Variants in POU6F1 observed in about 807,000 individuals in gnomAD.
POU6F1 encodes POU class 6 homeobox 1.
A neutral mutation model predicts 28.9 loss-of-function variants in POU6F1; 9 were observed. That is an observed-to-expected ratio of 0.31 (90% confidence interval 0.19 to 0.54). The LOEUF (loss-of-function observed/expected upper bound fraction) is 0.54, where lower values mean the gene tolerates loss of function less well. Among genes scored for constraint, POU6F1 ranks in the 20% least tolerant of loss-of-function variants. The pLI is 0.94. For synonymous variants in POU6F1, 173 were observed against 171.1 expected, an observed-to-expected ratio of 1.01 and a Z score of -0.09; for missense variants, 338 against 426.1, an observed-to-expected ratio of 0.79 and a Z score of 1.82.
intron 7 of POU6F1, 58 bp downstream of exon 7, chr12:51,196,741 A>G: frequency 6.3e-7 from 1 of 1,597,448 alleles, no homozygotes; most frequent in Non-Finnish European, 8.6e-7. Flanking sequence ...CCTGGCCGCC[A>G]TCCCCTGGCC....
At chr12:51,192,585 G>A in intron 8 of POU6F1, 114 bp from the exon 9 acceptor site, 1 of 1,347,854 alleles carries the variant, frequency 7.4e-7, no homozygotes. Flanking sequence ...CACGCATGCA[G>A]GACATTCCCG....
Position 51,190,368 on chromosome 12 carries a change from T to C in POU6F1, c.1715A>G (p.Gln572Arg). The change falls in exon 11 of 11, where the codon CAG becomes CGG. Residue 572 changes from glutamine to arginine, a missense_variant. By Grantham distance (43) the Gln-to-Arg change is conservative (BLOSUM62 1). This residue lies in a region of POU6F1 where 126 missense variants were observed against 176.5 expected (regional missense o/e 0.71). Transcript: ENST00000333640. This position sits in a 1 kb window ranked among gnomAD's most constrained non-coding sequence, Gnocchi z 4.5. ...CTCCTTAGCAATTTCAGTGATCTCC[T>C]GGCCTGTGGGCAGTGGGTTCTTCTC... ...YFEKNPLPTG[Q>R]EITEIAKELN... 6.2e-7 allele frequency: 1 copy of C among 1,614,148 alleles called. No individual in the cohort carries two copies. The highest frequency in any genetic ancestry group is 1.1e-5 in the South Asian group (1 of 91,076).
chr12:51,216,510 T>C (rs978944403), intron 1 of POU6F1, among the ~76,000 whole-genome samples: 11 of 152,074 alleles, frequency 7.2e-5, no homozygotes, highest in African/African-American at 2.7e-4. Flanking sequence ...TGGCACTGAG[T>C]GGGTATTTTT....
intron 1 of POU6F1, among the ~76,000 whole-genome samples, chr12:51,213,233 G>A (rs936978103): frequency 4.6e-5 from 7 of 152,226 alleles, no homozygotes; most frequent in South Asian, 2.1e-4. Flanking sequence ...CACCGCGCCC[G>A]GCCTCTAATG....
chr12:51,217,789 T>A lies in POU6F1; in HGVS notation c.-195A>T, dbSNP rs1199271045. 3 of 151,184 alleles carry A rather than the reference T, an allele frequency of 2.0e-5. No homozygotes were observed. The highest frequency in any genetic ancestry group is 4.4e-5 in the Non-Finnish European group (3 of 67,658). 9.4% of individuals were successfully genotyped at this position (151,184 alleles called of 1,614,324 possible). ...GACAAAGAAGCCAGTGCGGCTTGGC[T>A]GGGCTCGGCTCGGCCCGGGAGCTGG... On this transcript the variant is annotated 5_prime_UTR_variant, in exon 1 of 11. Transcript: ENST00000333640. This position sits in a 1 kb window ranked among gnomAD's most constrained non-coding sequence, Gnocchi z 5.3.
At chr12:51,209,538 T>G (rs1943851061) in intron 1 of POU6F1, among the ~76,000 whole-genome samples, 1 of 152,248 alleles carries the variant, frequency 6.6e-6, no homozygotes, top group Non-Finnish European at 1.5e-5. Context: ...CATTAGTTGG[T>G]GGACATTTGG....
In POU6F1 at chr12:51,190,715, C is replaced by T; in HGVS notation, c.1491-123G>A. ...TCCTCTAGGGGCTGGTGAGACTGTACCCAGTGCTCCCCTCACCACCTCCAC... is the reference window on the plus strand; with the variant it reads ...TCCTCTAGGGGCTGGTGAGACTGTATCCAGTGCTCCCCTCACCACCTCCAC... On this transcript the variant is annotated intron_variant, in intron 10 of 10. Coordinates refer to ENST00000333640, the MANE Select transcript of POU6F1 (RefSeq NM_001330422.2). This position sits in a 1 kb window ranked among gnomAD's most constrained non-coding sequence, Gnocchi z 4.5. 1.4e-6 allele frequency: 2 copies of T among 1,400,704 alleles called. No individual in the cohort carries two copies. Among genetic ancestry groups the T allele is most frequent in the Non-Finnish European group, 1.9e-6 (2 of 1,052,984 alleles). The allele number at this position is 1,400,704 out of a possible 1,614,324, so 86.8% of individuals were successfully genotyped here.
rs550307127 is a variant in POU6F1, at chr12:51,217,977, A to AC, written c.-384dup. 9.0e-3 allele frequency among the ~76,000 whole-genome samples: 1,168 copies of AC among 129,748 alleles called. 11 individuals carry two copies. Among genetic ancestry groups the AC allele is most frequent in the African/African-American group, 0.025 (881 of 34,842 alleles). 85.1% of individuals were successfully genotyped at this position (129,748 alleles called of 152,430 possible). ...ATTTTTCTTCGTTCCCCCTTCCACGACCCCCCCCTTTTCCCTCCCCCCCTT... is the reference window on the plus strand; with the variant it reads ...ATTTTTCTTCGTTCCCCCTTCCACGACCCCCCCCCTTTTCCCTCCCCCCCTT... On this transcript the variant is annotated 5_prime_UTR_variant, in exon 1 of 11. Coordinates refer to ENST00000333640, the MANE Select transcript of POU6F1 (RefSeq NM_001330422.2). The surrounding 1 kb of genome is among the most constrained non-coding windows in gnomAD (Gnocchi z 5.3).
chr12:51,209,339 T>C (rs530803876), intron 1 of POU6F1, among the ~76,000 whole-genome samples: 1 of 152,340 alleles, frequency 6.6e-6, no homozygotes, highest in South Asian at 2.1e-4. Flanking sequence ...GTGCTTTCTC[T>C]ATGGGGTTCC....
chr12:51,195,282 C>T (rs1942735101), intron 8 of POU6F1, among the ~76,000 whole-genome samples: 1 of 152,104 alleles, frequency 6.6e-6, no homozygotes, highest in Non-Finnish European at 1.5e-5. Context: ...TACAGGTGAG[C>T]ACCACTACAC....
chr12:51,191,083 C>A (rs1041326847), intron 10 of POU6F1, among the ~76,000 whole-genome samples: 3 of 152,158 alleles, frequency 2.0e-5, no homozygotes, highest in African/African-American at 7.2e-5. Context: ...GCAGATGAAA[C>A]CTTTTGGCCA....
intron 7 of POU6F1, among the ~76,000 whole-genome samples, chr12:51,196,421 A>T (rs1942830506): frequency 6.6e-6 from 1 of 152,212 alleles, no homozygotes; most frequent in Admixed American, 6.5e-5. Flanking sequence ...TTGTTCTGCC[A>T]CATTTTAGCT....
In POU6F1 at chr12:51,191,408, G is replaced by C. The variant is rs10876152; in HGVS notation, c.1490+188C>G. Among the ~76,000 whole-genome samples the C allele has an allele frequency of 0.27, 41,261 of 152,232 alleles. 6,900 individuals carry two copies. Among genetic ancestry groups the C allele is most frequent in the Middle Eastern group, 0.47 (137 of 294 alleles). On this transcript the variant is annotated intron_variant, in intron 10 of 10. Transcript: ENST00000333640. ...GGAGGATAATCTTCAGAGGACCTCA[G>C]AAGGACAGGGTCAGCCTTTGACTGC...
At chr12:51,213,127 G>C (rs1944112714) in intron 1 of POU6F1, among the ~76,000 whole-genome samples, 1 of 152,084 alleles carries the variant, frequency 6.6e-6, no homozygotes, top group Non-Finnish European at 1.5e-5. Context: ...AGTAGAGACG[G>C]GGTTTCACCA....
chr12:51,201,855 GTTGTT>G (rs141926877), intron 3 of POU6F1: 84,441 of 144,678 alleles, frequency 0.58, 25,199 homozygotes, highest in Middle Eastern at 0.69. Flanking sequence ...ACTCAATATA[GTTGTT>G]TTTTTTTTTT....
chr12:51,196,397 T>C (rs1018216143), intron 7 of POU6F1, among the ~76,000 whole-genome samples: 1 of 152,226 alleles, frequency 6.6e-6, no homozygotes, highest in Admixed American at 6.5e-5. Context: ...TGGATGTGGA[T>C]TCAGAGACCT....
rs187586126 is a variant in POU6F1 at position 51,197,364 on chromosome 12, C to A, written c.846+406G>T. On this transcript the variant is annotated intron_variant, in intron 6 of 10. Transcript: ENST00000333640. ...GGCCTGGGAGGGTAGAAGGGCCACA[C>A]TGGAGAGGCTGATGTGATCCTAGTC... Among the ~76,000 whole-genome samples the A allele has an allele frequency of 1.3e-3, 199 of 152,286 alleles. 1 individual carries two copies. The highest frequency in any genetic ancestry group is 0.01 in the Middle Eastern group (3 of 294).
rs1189396746 is a variant in POU6F1, at chr12:51,199,845, G to A, written c.268C>T (p.Pro90Ser). The change falls in exon 4 of 11, where the codon CCG becomes TCG. Residue 90 changes from proline to serine, a missense_variant. Pro to Ser is a moderately conservative substitution (Grantham distance 74). Coordinates refer to ENST00000333640, the MANE Select transcript of POU6F1 (RefSeq NM_001330422.2). This position sits in a 1 kb window ranked among gnomAD's most constrained non-coding sequence, Gnocchi z 4.1. Reference protein sequence around the residue: ...ATVKSPPGIPPSPATAIATFS... With the variant: ...ATVKSPPGIPSSPATAIATFS... ...GTGGCAATGGCAGTGGCAGGGCTCG[G>A]AGGGATCCCCGGGGGTGACTTCACT... 2.5e-6 allele frequency: 1 copy of A among 399,212 alleles called. No homozygotes were observed. The highest frequency in any genetic ancestry group is 2.1e-5 in the African/African-American group (1 of 48,644). 24.7% of individuals were successfully genotyped at this position (399,212 alleles called of 1,614,324 possible). A position where few individuals can be genotyped will look rare whatever the true frequency, so the allele number is the denominator to read the frequency against.
rs149344808 is a variant in POU6F1 at position 51,198,585 on chromosome 12, C to T, written c.557G>A (p.Gly186Glu). The T allele has an allele frequency of 7.5e-5, 30 of 399,228 alleles. No homozygotes were observed. The East Asian group carries it at 1.0e-3, about 13-fold the overall frequency. The allele number at this position is 399,228 out of a possible 1,614,324, so 24.7% of individuals were successfully genotyped here. Residue 186 changes from glycine (G) to glutamate (E), a missense_variant, in exon 5 of 11, where the codon GGG (glycine) becomes GAG (glutamate). Gly to Glu is a moderately conservative substitution (Grantham distance 98). Around this residue, in one of 3 missense-constraint regions of POU6F1, gnomAD observed 206 missense variants for 225.6 expected, o/e 0.91. Coordinates refer to ENST00000333640, the MANE Select transcript of POU6F1 (RefSeq NM_001330422.2). ...GGCTAAAGGTGGCTTGAACACTCCC[C>T]CCGTAGGAGAAGCAGCGGTCAGTCC... ...LPGLTAASPT[G>E]GVFKPPLAGL...
Sources: gnomAD v4.1 joint callset for allele counts (sites outside exome capture counted in the v4.1 genomes callset) on GRCh38, gnomAD v4.1.1 for gene constraint, gnomAD v4.1.1 regional missense constraint, Gnocchi (gnomAD v3.1) non-coding constraint, MANE v1.5 for transcripts, NCBI Gene and HGNC (gene_info 2026-07-23, HGNC 2026-07-21) for gene names.